The following PYGO1 variants were observed in gnomAD, a reference collection of about 807,000 sequenced individuals.
PYGO1 encodes pygopus homolog 1.
PYGO1 carries 6 observed loss-of-function variants against 29.5 expected under a neutral mutation model. The observed-to-expected ratio is 0.20, with a 90% CI of 0.11 to 0.40. The LOEUF (loss-of-function observed/expected upper bound fraction) is 0.40, where lower values mean the gene tolerates loss of function less well. Among genes scored for constraint, PYGO1 ranks in the 10% least tolerant of loss-of-function variants. The pLI is 1.00. For synonymous variants in PYGO1, 186 were observed against 180.5 expected (o/e 1.03, Z -0.24); for missense variants, 515 against 514.9 (o/e 1.00, Z 0.00).
At position 55,547,029 on chromosome 15, in the gene PYGO1, G is replaced by A; in HGVS notation, c.254C>T (p.Pro85Leu). The change falls in exon 3 of 3, where the codon CCT becomes CTT. Residue 85 changes from proline (P) to leucine (L), a missense_variant. By Grantham distance (98) the Pro-to-Leu change is moderately conservative. Transcript: ENST00000563719. Reference protein sequence around the residue: ...NYNTISYKPLPSSNPYLGPGY... With the variant: ...NYNTISYKPLLSSNPYLGPGY... ...AGGGCCAAGATATGGATTTGACGAAGGTAGTGGTTTATAGGAAATAGTATT... is the reference window on the plus strand; with the variant it reads ...AGGGCCAAGATATGGATTTGACGAAAGTAGTGGTTTATAGGAAATAGTATT... 1.2e-6 allele frequency: 2 copies of A among 1,613,960 alleles called. No individual in the cohort carries two copies. The highest frequency in any genetic ancestry group is 1.7e-6 in the Non-Finnish European group (2 of 1,179,902).
At chr15:55,550,192 T>A (rs574908853) in intron 1 of PYGO1, among the ~76,000 whole-genome samples, 2 of 152,168 alleles carry the variant, frequency 1.3e-5, no homozygotes, top group African/African-American at 4.8e-5. Context: ...CTTCCCTCCA[T>A]CCTGTTTTTT....
intron 1 of PYGO1, among the ~76,000 whole-genome samples, chr15:55,578,577 GT>G (rs920985106): frequency 6.6e-6 from 1 of 152,070 alleles, no homozygotes; most frequent in African/African-American, 2.4e-5. Flanking sequence ...TCTCACTGTG[GT>G]TTTGATTTGC....
At chr15:55,588,800 G>T (rs1223050240), upstream of PYGO1, 2 of 1,613,528 alleles carry the variant, frequency 1.2e-6, no homozygotes, top group Non-Finnish European at 1.7e-6. Flanking sequence ...AAAGATGAAC[G>T]TACCATGCGA....
intron 1 of PYGO1, among the ~76,000 whole-genome samples, chr15:55,561,547 C>T (rs900319411): frequency 1.3e-5 from 2 of 152,126 alleles, no homozygotes; most frequent in African/African-American, 2.4e-5. Context: ...AGAACTCACT[C>T]GTATCACAAG....
At chr15:55,549,357 G>A (rs1418853812) in intron 1 of PYGO1, among the ~76,000 whole-genome samples, 1 of 151,954 alleles carries the variant, frequency 6.6e-6, no homozygotes, top group Non-Finnish European at 1.5e-5. Context: ...TTTTTTGGCG[G>A]GGAGGACACA....
chr15:55,582,306 G>A (rs968739754), intron 1 of PYGO1, among the ~76,000 whole-genome samples: 1 of 151,648 alleles, frequency 6.6e-6, no homozygotes, highest in Non-Finnish European at 1.5e-5. Flanking sequence ...TGTTCCCCAA[G>A]AGAGGGAATA....
chr15:55,577,007 A>T (rs77351084), intron 1 of PYGO1, among the ~76,000 whole-genome samples: 1 of 30,324 alleles, frequency 3.3e-5, no homozygotes, highest in Admixed American at 5.5e-4. Flanking sequence ...CAACAAAGAT[A>T]AAAAAAAAAA....
chr15:55,577,133 T>A (rs2141674313), intron 1 of PYGO1, among the ~76,000 whole-genome samples: 1 of 152,332 alleles, frequency 6.6e-6, no homozygotes, highest in East Asian at 1.9e-4. Context: ...TCTCTGCTCA[T>A]CTGAGACAAA....
chr15:55,565,282 C>G (rs1329411348), intron 1 of PYGO1, among the ~76,000 whole-genome samples: 3 of 152,078 alleles, frequency 2.0e-5, no homozygotes, highest in African/African-American at 7.2e-5. Context: ...CCTACATAAA[C>G]CACCACTGAT....
chr15:55,581,845 C>T (rs62021874), intron 1 of PYGO1, among the ~76,000 whole-genome samples: 7,528 of 152,044 alleles, frequency 0.05, 247 homozygotes, highest in Middle Eastern at 0.068. Flanking sequence ...CTGAAATAAT[C>T]AAAGGGATAA....
chr15:55,550,045 C>T (rs1459794985), intron 1 of PYGO1, among the ~76,000 whole-genome samples: 1 of 152,178 alleles, frequency 6.6e-6, no homozygotes, highest in Non-Finnish European at 1.5e-5. Context: ...CTAGCCACTA[C>T]AGAAATTAAC....
chr15:55,588,413 C>T (rs1240926894), upstream of PYGO1, among the ~76,000 whole-genome samples: 3 of 148,760 alleles, frequency 2.0e-5, no homozygotes, highest in African/African-American at 7.3e-5. Context: ...GGCGCGGCCC[C>T]GCGGCTTCCC....
At chr15:55,575,129 GAA>G (rs2058995942) in intron 1 of PYGO1, among the ~76,000 whole-genome samples, 1 of 152,128 alleles carries the variant, frequency 6.6e-6, no homozygotes, top group Non-Finnish European at 1.5e-5. Context: ...TTTCTGACTC[GAA>G]AGCCTATATA....
Position 55,540,984 on chromosome 15 carries a change from A to G in PYGO1, c.*5039T>C, listed in dbSNP as rs940533894. The G allele has an allele frequency of 6.6e-6, 1 of 152,160 alleles. No individual in the cohort carries two copies. Among genetic ancestry groups the G allele is most frequent in the African/African-American group, 2.4e-5 (1 of 41,422 alleles). 9.4% of individuals were successfully genotyped at this position (152,160 alleles called of 1,614,324 possible). A position where few individuals can be genotyped will look rare whatever the true frequency, so the allele number is the denominator to read the frequency against. On this transcript the variant is annotated 3_prime_UTR_variant, in exon 3 of 3. Transcript: ENST00000563719. ...TTTTATAAAAGATAATATTTTGACA[A>G]ACAAGCAACATCATCTACACATCTA...
chr15:55,562,198 G>C (rs2141659992), intron 1 of PYGO1, among the ~76,000 whole-genome samples: 1 of 152,286 alleles, frequency 6.6e-6, no homozygotes, highest in African/African-American at 2.4e-5. Context: ...ACAGATGCTG[G>C]CAAGGTTGCG....
At chr15:55,568,319 A>AATGTGTGTGTGTGTGT (rs2058965533) in intron 1 of PYGO1, among the ~76,000 whole-genome samples, 1 of 43,034 alleles carries the variant, frequency 2.3e-5, no homozygotes, top group East Asian at 1.1e-3. Context: ...TTTCCTAGGT[A>AATGTGTGTGTGTGTGT]CTGTGTGTGT....
chr15:55,546,019 T>A lies in PYGO1; in HGVS notation c.*4A>T, dbSNP rs2058847996. ...AATAAACCCACTTTAGTTAATGCCT[T>A]TGATTAAGCATCACTGCCCACTGCA... On this transcript the variant is annotated 3_prime_UTR_variant, in exon 3 of 3. Transcript: ENST00000563719. The A allele has an allele frequency of 6.3e-7, 1 of 1,586,304 alleles. No homozygotes were observed.
chr15:55,548,028 A>AT (rs954921507), intron 2 of PYGO1, among the ~76,000 whole-genome samples: 38 of 151,546 alleles, frequency 2.5e-4, no homozygotes, highest in Non-Finnish European at 4.6e-4. Flanking sequence ...TTTAATTTTA[A>AT]TTTTTTTTTG....
At chr15:55,571,137 T>A (rs906727561) in intron 1 of PYGO1, among the ~76,000 whole-genome samples, 1 of 152,160 alleles carries the variant, frequency 6.6e-6, no homozygotes, top group Non-Finnish European at 1.5e-5. Flanking sequence ...TGTGACTGAC[T>A]TATTTCATTA....
Sources: gnomAD v4.1 joint callset for allele counts (sites outside exome capture counted in the v4.1 genomes callset) on GRCh38, gnomAD v4.1.1 for gene constraint, MANE v1.5 for transcripts, NCBI Gene and HGNC (gene_info 2026-07-23, HGNC 2026-07-21) for gene names.